Variants in FNBP1L observed in about 807,000 individuals in gnomAD.
The protein encoded by FNBP1L is formin binding protein 1 like, also known as formin-binding protein 1-like.
A neutral mutation model predicts 91.2 loss-of-function variants in FNBP1L; 36 were observed. The observed-to-expected ratio is 0.39, with a 90% CI of 0.30 to 0.52. FNBP1L has a LOEUF of 0.52. FNBP1L is among the 20% of genes least tolerant of loss of function. The pLI, the probability that FNBP1L is intolerant of heterozygous loss-of-function variation, is 0.66. For missense variants in FNBP1L, 571 were observed against 732.1 expected (o/e 0.78, Z 2.54); for synonymous variants, 242 against 237.0 (o/e 1.02, Z -0.19).
rs1339405777 is a variant in FNBP1L at position 93,553,616 on chromosome 1, GTGA to G, written c.*1203_*1205del. The G allele has an allele frequency of 1.3e-5, 2 of 152,618 alleles. No individual in the cohort carries two copies. The highest frequency in any genetic ancestry group is 6.5e-5 in the Admixed American group (1 of 15,290). 9.5% of individuals were successfully genotyped at this position (152,618 alleles called of 1,614,324 possible). On this transcript the variant is annotated 3_prime_UTR_variant, in exon 17 of 17. Coordinates refer to ENST00000271234, the MANE Select transcript of FNBP1L (RefSeq NM_001164473.3). ...AATTACAATGATAGTCTCTTTCCAC[GTGA>G]TGCTTTTGTTTGAACCTGATAAAAT...
chr1:93,478,967 A>G (rs1407727349), intron 1 of FNBP1L, among the ~76,000 whole-genome samples: 2 of 152,242 alleles, frequency 1.3e-5, no homozygotes, highest in Non-Finnish European at 2.9e-5. Flanking sequence ...AAAGGCAGCC[A>G]TTTAAACTTA....
chr1:93,484,951 G>C (rs1023283480), intron 1 of FNBP1L, among the ~76,000 whole-genome samples: 2 of 152,042 alleles, frequency 1.3e-5, no homozygotes, highest in African/African-American at 4.8e-5. Context: ...CCAGGTGTTC[G>C]AGACCAGCCT....
chr1:93,503,336 G>A (rs868849456), intron 2 of FNBP1L, among the ~76,000 whole-genome samples: 2 of 152,146 alleles, frequency 1.3e-5, no homozygotes, highest in Non-Finnish European at 2.9e-5. Flanking sequence ...CCATGATTCA[G>A]TTATCTCCAC....
chr1:93,485,554 A>G (rs1039547686), intron 1 of FNBP1L, among the ~76,000 whole-genome samples: 3 of 152,200 alleles, frequency 2.0e-5, no homozygotes, highest in Non-Finnish European at 4.4e-5. Context: ...AATTAAAGAC[A>G]AGTGATTATT....
rs577565680 is a variant in FNBP1L at position 93,485,270 on chromosome 1, T to G, written c.25-14198T>G. Among the ~76,000 whole-genome samples, 3 of 152,314 alleles carry G rather than the reference T, an allele frequency of 2.0e-5. No individual in the cohort carries two copies. The South Asian group carries it at 6.2e-4, about 32-fold the overall frequency. ...GGCTCATATACTACACAGATAGAGCTTACTTCACACAACAGATATGCTCTG... is the reference window on the plus strand; with the variant it reads ...GGCTCATATACTACACAGATAGAGCGTACTTCACACAACAGATATGCTCTG... On this transcript the variant is annotated intron_variant, in intron 1 of 16. Coordinates refer to ENST00000271234, the MANE Select transcript of FNBP1L (RefSeq NM_001164473.3).
chr1:93,543,181 T>C (rs1033753564), intron 11 of FNBP1L, among the ~76,000 whole-genome samples: 2 of 152,170 alleles, frequency 1.3e-5, no homozygotes, highest in Non-Finnish European at 2.9e-5. Flanking sequence ...TTAAGTAATA[T>C]AGGTTTATAT....
chr1:93,515,307 A>G (rs1415896002), intron 2 of FNBP1L, among the ~76,000 whole-genome samples: 2 of 151,326 alleles, frequency 1.3e-5, no homozygotes, highest in East Asian at 1.9e-4. Context: ...ACACTTTTAC[A>G]CTGTTGGTGG....
At chr1:93,468,884 G>A (rs1029220841) in intron 1 of FNBP1L, among the ~76,000 whole-genome samples, 3 of 152,148 alleles carry the variant, frequency 2.0e-5, no homozygotes, top group South Asian at 2.1e-4. Flanking sequence ...ATGTGTGAGA[G>A]TCCTGATTTC....
chr1:93,530,791 G>A lies in FNBP1L; in HGVS notation c.547G>A (p.Asp183Asn), dbSNP rs763551179. ...QQLNLRTHMA[D>N]ENKNEYAAQL... ...GTTGAATCTGCGTACGCATATGGCC[G>A]ATGAAAATAAAAATGAATATGCTGC... The change falls in exon 7 of 17, where the codon GAT (aspartate) becomes AAT (asparagine). Residue 183 changes from aspartate (D) to asparagine (N), a missense_variant. Around this residue, in one of 5 missense-constraint regions of FNBP1L, gnomAD observed 220 missense variants for 313.6 expected, o/e 0.70. Coordinates refer to ENST00000271234, the MANE Select transcript of FNBP1L (RefSeq NM_001164473.3). The A allele has an allele frequency of 5.7e-6, 9 of 1,588,152 alleles. No homozygotes were observed. Among genetic ancestry groups the A allele is most frequent in the South Asian group, 2.3e-5 (2 of 86,984 alleles).
In FNBP1L at chr1:93,513,854, T is replaced by C. The variant is rs542351455; in HGVS notation, c.141-8228T>C. On this transcript the variant is annotated intron_variant, in intron 2 of 16. Coordinates refer to ENST00000271234, the MANE Select transcript of FNBP1L (RefSeq NM_001164473.3). ...AACTGGAAGCATTCCCTTTGAAAAC[T>C]GGCACAAGACAGGGATGCCCTCTCT... 2.2e-3 allele frequency among the ~76,000 whole-genome samples: 329 copies of C among 152,214 alleles called. 1 individual carries two copies. The highest frequency in any genetic ancestry group is 3.8e-3 in the Non-Finnish European group (261 of 67,968).
chr1:93,519,929 G>A (rs1671266907), intron 2 of FNBP1L, among the ~76,000 whole-genome samples: 1 of 152,128 alleles, frequency 6.6e-6, no homozygotes, highest in Non-Finnish European at 1.5e-5. Flanking sequence ...TGAGTGAAGT[G>A]CTAATGCTTT....
chr1:93,475,832 ATAAAG>A (rs1227103623), intron 1 of FNBP1L, among the ~76,000 whole-genome samples: 5 of 152,348 alleles, frequency 3.3e-5, no homozygotes, highest in African/African-American at 9.6e-5. Flanking sequence ...AAAAGGAAAC[ATAAAG>A]TAAGGTTGCC....
chr1:93,551,448 T>C lies in FNBP1L; in HGVS notation c.1810+343T>C. The stretch of plus-strand genomic sequence containing the variant: ...GGCAGGAATTCATGGATAGTAATGC[T>C]CTCTGCCCCCTTTACTTCAGAAAAC... On this transcript the variant is annotated intron_variant, in intron 16 of 16. Transcript: ENST00000271234. 5.0e-6 allele frequency: 5 copies of C among 997,678 alleles called. No individual in the cohort carries two copies. In the South Asian group the frequency reaches 2.3e-4, roughly 46 times the overall value. The allele number at this position is 997,678 out of a possible 1,614,324, so 61.8% of individuals were successfully genotyped here.
At position 93,534,699 on chromosome 1, in the gene FNBP1L, G is replaced by T; in HGVS notation, c.787-6G>T. 2 of 1,556,040 alleles carry T rather than the reference G, an allele frequency of 1.3e-6. No homozygotes were observed. Among genetic ancestry groups the T allele is most frequent in the Non-Finnish European group, 1.7e-6 (2 of 1,147,406 alleles). On this transcript the variant is annotated splice_polypyrimidine_tract_variant and splice_region_variant and intron_variant, in intron 8 of 16. Coordinates refer to ENST00000271234, the MANE Select transcript of FNBP1L (RefSeq NM_001164473.3). The stretch of plus-strand genomic sequence containing the variant: ...ACAGTTTTAAAACCTAGTTTCTTTT[G>T]TATAGGACTCTCAAATGGTGGTAGA...
At chr1:93,550,805 A>G in intron 15 of FNBP1L, 142 bp from the exon 16 acceptor site, 1 of 777,152 alleles carries the variant, frequency 1.3e-6, no homozygotes, top group Non-Finnish European at 1.9e-6. Flanking sequence ...ACAAAGCACA[A>G]TAGAGATGTT....
intron 1 of FNBP1L, among the ~76,000 whole-genome samples, chr1:93,476,646 A>T (rs188948668): frequency 6.6e-6 from 1 of 152,304 alleles, no homozygotes; most frequent in Admixed American, 6.5e-5. Context: ...CCTGTGGAAA[A>T]GATTGTAACA....
Position 93,546,874 on chromosome 1 carries a change from A to T in FNBP1L, c.1307A>T (p.Glu436Val). Residue 436 changes from glutamate to valine, a missense_variant, in exon 13 of 17, where the codon GAG becomes GTG. Glu to Val is a moderately radical substitution (Grantham distance 121). Coordinates refer to ENST00000271234, the MANE Select transcript of FNBP1L (RefSeq NM_001164473.3). ...CTCAACAAAATGAAAGATGTATATG[A>T]GAAGAATCCACAAATGGGGGATCCA... ...DALNKMKDVY[E>V]KNPQMGDPGS... 6.2e-7 allele frequency: 1 copy of T among 1,613,026 alleles called. No homozygotes were observed. Among genetic ancestry groups the T allele is most frequent in the Middle Eastern group, 1.7e-4 (1 of 6,060 alleles).
chr1:93,472,854 A>G (rs530392265), intron 1 of FNBP1L, among the ~76,000 whole-genome samples: 225 of 136,700 alleles, frequency 1.6e-3, no homozygotes, highest in Non-Finnish European at 2.8e-3. Context: ...AAAAATCCTA[A>G]CAGTTTGTTA....
At chr1:93,546,763 C>A in intron 12 of FNBP1L, 79 bp from the exon 13 acceptor site, 1 of 1,476,516 alleles carries the variant, frequency 6.8e-7, no homozygotes, top group African/African-American at 1.4e-5. Flanking sequence ...GCGTACGAGT[C>A]CCCAGAGTCC....
Sources: gnomAD v4.1 joint callset for allele counts (sites outside exome capture counted in the v4.1 genomes callset) on GRCh38, gnomAD v4.1.1 for gene constraint, gnomAD v4.1.1 regional missense constraint, MANE v1.5 for transcripts, NCBI Gene and HGNC (gene_info 2026-07-23, HGNC 2026-07-21) for gene names.